Variants in FKBP15 observed in about 807,000 individuals in gnomAD.
FKBP15 encodes FKBP prolyl isomerase family member 15.
In FKBP15, 106 loss-of-function variants were observed where a neutral mutation model predicts 158.1. That is an observed-to-expected ratio of 0.67 (90% CI 0.57 to 0.79). The LOEUF is 0.79. Among genes scored for constraint, FKBP15 ranks in the 30% least tolerant of loss-of-function variants. The pLI is 0.00. For synonymous variants in FKBP15, 547 were observed against 548.6 expected (o/e 1.00, Z 0.04); for missense variants, 1,287 against 1,479.1 (o/e 0.87, Z 2.13).
At chr9:113,193,020 G>GC (rs1363345785) in intron 11 of FKBP15, among the ~76,000 whole-genome samples, 2 of 152,170 alleles carry the variant, frequency 1.3e-5, no homozygotes, top group African/African-American at 4.8e-5. Context: ...CAAAGGCTCT[G>GC]AACTCAGCAC....
At chr9:113,218,319 C>A (rs1001612421) in intron 1 of FKBP15, among the ~76,000 whole-genome samples, 1 of 149,582 alleles carries the variant, frequency 6.7e-6, no homozygotes, top group African/African-American at 2.5e-5. Flanking sequence ...CTGAGCCTTT[C>A]CCATTTGTAA....
chr9:113,184,546 G>T lies in FKBP15; in HGVS notation c.1609-147C>A. On this transcript the variant is annotated intron_variant, in intron 16 of 27. Coordinates refer to ENST00000238256, the MANE Select transcript of FKBP15 (RefSeq NM_015258.2). This position sits in a 1 kb window ranked among gnomAD's most constrained non-coding sequence, Gnocchi z 4.5. Reference sequence around the variant, plus strand: ...AAGTTAGAGTTTTCTCCTACTAACTGGATCCCAACATAATTATAACTATCC... The same window carrying T: ...AAGTTAGAGTTTTCTCCTACTAACTTGATCCCAACATAATTATAACTATCC... 1.1e-6 allele frequency: 1 copy of T among 905,060 alleles called. No individual in the cohort carries two copies. The highest frequency in any genetic ancestry group is 1.5e-5 in the South Asian group (1 of 66,950). The allele number at this position is 905,060 out of a possible 1,614,324, so 56.1% of individuals were successfully genotyped here. A position where few individuals can be genotyped will look rare whatever the true frequency, so the allele number is the denominator to read the frequency against.
rs752586161 is a variant in FKBP15, at chr9:113,188,391, T to C, written c.1274A>G (p.Gln425Arg). 5.0e-6 allele frequency: 8 copies of C among 1,612,840 alleles called. No individual in the cohort carries two copies. In the Admixed American group the frequency reaches 1.3e-4, roughly 27 times the overall value. The change falls in exon 13 of 28, where the codon CAG becomes CGG. Residue 425 changes from glutamine (Q) to arginine (R), a missense_variant and splice_region_variant. Gln to Arg is a conservative substitution (Grantham distance 43, BLOSUM62 1). Transcript: ENST00000238256. ...AHPALPQMTS[Q>R]APQPSVTGLQ... ...AGAGCCTCAGAGAGGTTCCTTACCCTGTGAGGTCATCTGTGGTAACGCTGG... is the reference window on the plus strand; with the variant it reads ...AGAGCCTCAGAGAGGTTCCTTACCCCGTGAGGTCATCTGTGGTAACGCTGG...
At chr9:113,181,948 A>G (rs1830405562) in intron 19 of FKBP15, among the ~76,000 whole-genome samples, 1 of 152,174 alleles carries the variant, frequency 6.6e-6, no homozygotes, top group Non-Finnish European at 1.5e-5. Context: ...GGAACAGAAC[A>G]GGGTCAGGAT....
intron 11 of FKBP15, among the ~76,000 whole-genome samples, chr9:113,191,852 A>C (rs1322361548): frequency 6.6e-6 from 1 of 151,862 alleles, no homozygotes; most frequent in Non-Finnish European, 1.5e-5. Context: ...AGATAAGGAC[A>C]GGAATAGGAG....
At position 113,194,036 on chromosome 9, in the gene FKBP15, A is replaced by G. The variant is rs781513743; in HGVS notation, c.998T>C (p.Phe333Ser). ...AACTGCAGTATCTTACCCTGATTTG[A>G]AAGGTATTGATGTGGGTGGTGACAC... The part of the protein sequence containing the change: ...PVVSPPTSIP[F>S]KSGEPALRTK... The change falls in exon 10 of 28, where the codon TTC (phenylalanine) becomes TCC (serine). Residue 333 changes from phenylalanine (F) to serine (S), a missense_variant. Phe to Ser is a radical substitution (Grantham distance 155). Transcript: ENST00000238256. The G allele has an allele frequency of 6.2e-7, 1 of 1,610,214 alleles. No homozygotes were observed. The highest frequency in any genetic ancestry group is 1.1e-5 in the South Asian group (1 of 90,744).
At chr9:113,188,301 C>T in intron 13 of FKBP15, 88 bp downstream of exon 13, 1 of 1,035,200 alleles carries the variant, frequency 9.7e-7, no homozygotes, top group East Asian at 2.4e-5. Flanking sequence ...AGTACTGAAA[C>T]AATGCAGCCT....
intron 2 of FKBP15, 65 bp from the exon 3 acceptor site, chr9:113,207,361 A>G (rs1302887843): frequency 9.7e-7 from 1 of 1,032,902 alleles, no homozygotes; most frequent in East Asian, 2.4e-5. Flanking sequence ...TTTTTTAAAG[A>G]CGGAGTTTCA....
chr9:113,199,867 A>T lies in FKBP15; in HGVS notation c.595T>A (p.Ser199Thr). The T allele has an allele frequency of 4.3e-6, 7 of 1,613,324 alleles. No homozygotes were observed. The highest frequency in any genetic ancestry group is 5.9e-6 in the Non-Finnish European group (7 of 1,179,646). ...CAGCCGGTATAGGCCACTTCCAAAG[A>T]ATCTCCAACTTCTACAGCAGGGCCG... ...ADGPAVEVGD[S>T]LEVAYTGWLF... The change falls in exon 7 of 28, where the codon TCT (serine) becomes ACT (threonine). Residue 199 changes from serine to threonine, a missense_variant. Physicochemically the swap from Ser to Thr is moderately conservative, Grantham distance 58. Transcript: ENST00000238256.
At chr9:113,172,180 A>G (rs913724820) in intron 23 of FKBP15, among the ~76,000 whole-genome samples, 2 of 152,076 alleles carry the variant, frequency 1.3e-5, no homozygotes, top group Non-Finnish European at 2.9e-5. Flanking sequence ...ACATGAACTC[A>G]TCCTTTTTTA....
intron 1 of FKBP15, among the ~76,000 whole-genome samples, chr9:113,219,656 T>C (rs1831209615): frequency 6.6e-6 from 1 of 152,204 alleles, no homozygotes; most frequent in Non-Finnish European, 1.5e-5. Context: ...CCACCAAGAA[T>C]TTATCTCTGG....
intron 10 of FKBP15, 67 bp from the exon 11 acceptor site, chr9:113,193,616 T>A (rs1302734909): frequency 7.7e-7 from 1 of 1,299,490 alleles, no homozygotes; most frequent in Admixed American, 2.0e-5. Context: ...CAAATTATAT[T>A]GGATAAGCAA....
chr9:113,209,116 T>C (rs1587975127), intron 2 of FKBP15, among the ~76,000 whole-genome samples: 1 of 152,252 alleles, frequency 6.6e-6, no homozygotes, highest in Admixed American at 6.5e-5. Context: ...CTTGCTTCTA[T>C]AGCTCCCTGC....
chr9:113,177,021 C>T (rs1295835092), intron 20 of FKBP15, among the ~76,000 whole-genome samples: 3 of 152,212 alleles, frequency 2.0e-5, no homozygotes, highest in African/African-American at 7.2e-5. Flanking sequence ...TAAGATTTGT[C>T]AAGCCGTCAG....
At chr9:113,170,719 G>A in intron 24 of FKBP15, 90 bp from the exon 25 acceptor site, 2 of 900,884 alleles carry the variant, frequency 2.2e-6, no homozygotes, top group Non-Finnish European at 3.7e-6. Context: ...CCAAAATGAA[G>A]CCATCTTAGA....
chr9:113,179,183 C>G (rs1481480877), intron 19 of FKBP15, among the ~76,000 whole-genome samples: 1 of 152,080 alleles, frequency 6.6e-6, no homozygotes, highest in Admixed American at 6.5e-5. Flanking sequence ...GTGCAAGCTA[C>G]TATGCCTGTC....
chr9:113,176,418 T>A (rs902960334), intron 21 of FKBP15, 119 bp downstream of exon 21: 1 of 1,236,354 alleles, frequency 8.1e-7, no homozygotes. Flanking sequence ...TTTTTAATTT[T>A]ACACTTTTCT....
At chr9:113,208,525 A>G (rs1830938938) in intron 2 of FKBP15, among the ~76,000 whole-genome samples, 1 of 152,208 alleles carries the variant, frequency 6.6e-6, no homozygotes, top group African/African-American at 2.4e-5. Flanking sequence ...TTTTTTCTGT[A>G]TTAACACTTT....
At chr9:113,178,211 CA>C (rs1338168793) in intron 20 of FKBP15, among the ~76,000 whole-genome samples, 1 of 152,076 alleles carries the variant, frequency 6.6e-6, no homozygotes, top group Non-Finnish European at 1.5e-5. Flanking sequence ...TAACGGGAGA[CA>C]AGCCAAGCAG....
Sources: gnomAD v4.1 joint callset for allele counts (sites outside exome capture counted in the v4.1 genomes callset) on GRCh38, gnomAD v4.1.1 for gene constraint, Gnocchi (gnomAD v3.1) non-coding constraint, MANE v1.5 for transcripts, NCBI Gene and HGNC (gene_info 2026-07-23, HGNC 2026-07-21) for gene names.